ZNF704: variants seen among roughly 807,000 people sequenced by gnomAD.
ZNF704 encodes zinc finger protein 704, also known as glucocorticoid induced gene 1.
ZNF704 carries 10 observed loss-of-function variants against 44.7 expected under a neutral mutation model. The ratio of observed to expected loss-of-function variants is 0.22; its 90% CI spans 0.14 to 0.38. The LOEUF is 0.38. Among genes scored for constraint, ZNF704 ranks in the 10% least tolerant of loss-of-function variants. ZNF704 has a pLI of 1.00. For missense variants in ZNF704, 390 were observed against 545.5 expected (o/e 0.71, Z 2.84); for synonymous variants, 211 against 207.6 (o/e 1.02, Z -0.14).
chr8:80,641,543 A>C, intron 8 of ZNF704, 66 bp from the exon 9 acceptor site: 11 of 1,020,040 alleles, frequency 1.1e-5, no homozygotes, highest in Non-Finnish European at 1.5e-5. Context: ...TGGAGAGCTC[A>C]AAAATCCCTT....
At chr8:80,786,144 T>A (rs1458223436) in intron 2 of ZNF704, among the ~76,000 whole-genome samples, 2 of 152,146 alleles carry the variant, frequency 1.3e-5, no homozygotes, top group Non-Finnish European at 2.9e-5. Context: ...ACACCTGTAG[T>A]TCCAGCTACT....
chr8:80,862,578 G>A (rs1375888910), intron 1 of ZNF704, among the ~76,000 whole-genome samples: 33 of 132,610 alleles, frequency 2.5e-4, no homozygotes, highest in African/African-American at 1.0e-3. Context: ...TGGTCAACAT[G>A]ATGAAAACTT....
intron 2 of ZNF704, among the ~76,000 whole-genome samples, chr8:80,810,137 A>G (rs1329649038): frequency 6.6e-6 from 1 of 151,972 alleles, no homozygotes; most frequent in Non-Finnish European, 1.5e-5. Flanking sequence ...ACTTGTATAC[A>G]CTCCCTAGCT....
At chr8:80,650,690 C>T (rs60265435) in intron 7 of ZNF704, among the ~76,000 whole-genome samples, 7,062 of 152,242 alleles carry the variant, frequency 0.046, 560 homozygotes, top group African/African-American at 0.16. Context: ...CTATGTCTGA[C>T]TGGTGTACCC....
intron 2 of ZNF704, among the ~76,000 whole-genome samples, chr8:80,779,547 G>A (rs1563550563): frequency 6.6e-6 from 1 of 151,876 alleles, no homozygotes; most frequent in Admixed American, 6.6e-5. Flanking sequence ...CCATAAAAAC[G>A]ACACTAAACC....
At chr8:80,808,007 A>C (rs2129822791) in intron 2 of ZNF704, among the ~76,000 whole-genome samples, 1 of 152,320 alleles carries the variant, frequency 6.6e-6, no homozygotes, top group East Asian at 1.9e-4. Flanking sequence ...AGCTTCGGAC[A>C]AACAGTGTGG....
At chr8:80,676,374 A>C (rs980758234) in intron 4 of ZNF704, among the ~76,000 whole-genome samples, 6 of 152,202 alleles carry the variant, frequency 3.9e-5, no homozygotes, top group Non-Finnish European at 7.3e-5. Context: ...GGTTAGCTAC[A>C]GGATGAGGTT....
At chr8:80,678,182 G>A (rs1444668157) in intron 4 of ZNF704, among the ~76,000 whole-genome samples, 1 of 152,218 alleles carries the variant, frequency 6.6e-6, no homozygotes, top group African/African-American at 2.4e-5. Flanking sequence ...AGAAAACAAT[G>A]TTGCATCCTA....
At chr8:80,840,393 C>T (rs763259605) in intron 1 of ZNF704, among the ~76,000 whole-genome samples, 17 of 152,132 alleles carry the variant, frequency 1.1e-4, no homozygotes, top group Non-Finnish European at 2.2e-4. Context: ...TGGCCCAAGA[C>T]AATTCTTTTT....
At position 80,687,381 on chromosome 8, in the gene ZNF704, C is replaced by T. The variant is rs763082570; in HGVS notation, c.403G>A (p.Ala135Thr). 8.1e-6 allele frequency: 13 copies of T among 1,605,114 alleles called. No individual in the cohort carries two copies. In the East Asian group the frequency reaches 1.3e-4, roughly 17 times the overall value. Residue 135 changes from alanine (A) to threonine (T), a missense_variant, in exon 4 of 9, where the codon GCC (alanine) becomes ACC (threonine). Ala to Thr is a moderately conservative substitution (Grantham distance 58, BLOSUM62 0). Transcript: ENST00000327835. ...GACGGGTTGGACTGGTCGCTGGGGG[C>T]GCTCCAGCTCCAGTAGCCGCTGCTG... ...TSSSGYWSWS[A>T]PSDQSNPSTP...
At chr8:80,719,983 A>C (rs1173644680) in intron 2 of ZNF704, among the ~76,000 whole-genome samples, 1 of 152,198 alleles carries the variant, frequency 6.6e-6, no homozygotes, top group African/African-American at 2.4e-5. Flanking sequence ...CCTCACAATA[A>C]CACCACGAGA....
intron 1 of ZNF704, among the ~76,000 whole-genome samples, chr8:80,844,147 C>T (rs1415768638): frequency 6.6e-6 from 1 of 151,942 alleles, no homozygotes; most frequent in Admixed American, 6.6e-5. Flanking sequence ...TATGGGCACA[C>T]AAGAGAGGAG....
intron 7 of ZNF704, among the ~76,000 whole-genome samples, chr8:80,655,322 A>T (rs1817997358): frequency 6.6e-6 from 1 of 152,066 alleles, no homozygotes; most frequent in African/African-American, 2.4e-5. Flanking sequence ...GTACCCTAAA[A>T]CTTTAATTTA....
intron 2 of ZNF704, among the ~76,000 whole-genome samples, chr8:80,702,437 GA>G (rs1339133827): frequency 1.3e-5 from 2 of 152,204 alleles, no homozygotes; most frequent in Non-Finnish European, 2.9e-5. Flanking sequence ...GGTCACTGGA[GA>G]GGGGGTCTGA....
At chr8:80,850,953 A>G (rs1808848826) in intron 1 of ZNF704, among the ~76,000 whole-genome samples, 2 of 152,194 alleles carry the variant, frequency 1.3e-5, no homozygotes, top group South Asian at 4.1e-4. Context: ...ATTGCTTAAC[A>G]ATGGGGATAC....
intron 2 of ZNF704, among the ~76,000 whole-genome samples, chr8:80,796,671 C>T (rs568387840): frequency 2.6e-5 from 4 of 152,068 alleles, no homozygotes; most frequent in Non-Finnish European, 5.9e-5. Flanking sequence ...GATACAATGG[C>T]AGGACAGGCA....
In ZNF704 at chr8:80,692,862, C is replaced by T. The variant is rs73693821; in HGVS notation, c.325+142G>A. 20,282 of 726,200 alleles carry T rather than the reference C, an allele frequency of 0.028. 2,950 individuals carry two copies. In the African/African-American group the frequency reaches 0.32, roughly 11 times the overall value. The allele number at this position is 726,200 out of a possible 1,614,324, so 45.0% of individuals were successfully genotyped here. On this transcript the variant is annotated intron_variant, in intron 3 of 8. Coordinates refer to ENST00000327835, the MANE Select transcript of ZNF704 (RefSeq NM_001033723.3). ...GGGCTGACAGCTCTGGGGGCCTCGA[C>T]TTCTTCCACGTTTCTCTTTGCTTCC...
Position 80,631,925 on chromosome 8 carries a change from G to A in ZNF704, c.*9441C>T, listed in dbSNP as rs1446279521. The A allele has an allele frequency of 2.6e-5, 4 of 152,246 alleles. No individual in the cohort carries two copies. The highest frequency in any genetic ancestry group is 3.9e-4 in the East Asian group (2 of 5,172). The allele number at this position is 152,246 out of a possible 1,614,324, so 9.4% of individuals were successfully genotyped here. Reference sequence around the variant, plus strand: ...CACAGAAACAAGAATGTCCCATCAGGGGCTTTGGAACTGAAAAAACATTAA... The same window carrying A: ...CACAGAAACAAGAATGTCCCATCAGAGGCTTTGGAACTGAAAAAACATTAA... On this transcript the variant is annotated 3_prime_UTR_variant, in exon 9 of 9. Coordinates refer to ENST00000327835, the MANE Select transcript of ZNF704 (RefSeq NM_001033723.3).
At chr8:80,739,566 T>C (rs999152567) in intron 2 of ZNF704, among the ~76,000 whole-genome samples, 1 of 152,184 alleles carries the variant, frequency 6.6e-6, no homozygotes, top group Non-Finnish European at 1.5e-5. Context: ...TTTTCTTCTC[T>C]TCAGTCTTCT....
Sources: allele counts gnomAD v4.1 joint callset (sites outside exome capture counted in the v4.1 genomes callset), GRCh38; gene constraint gnomAD v4.1.1; transcripts MANE v1.5; gene names NCBI Gene and HGNC (gene_info 2026-07-23, HGNC 2026-07-21).